Variants in FGF12 observed in about 807,000 individuals in gnomAD.
The protein encoded by FGF12 is fibroblast growth factor 12B.
In FGF12, 14 loss-of-function variants were observed where a neutral mutation model predicts 23.6. The observed-to-expected ratio is 0.59, with a 90% CI of 0.39 to 0.93. The LOEUF is 0.93. Among genes scored for constraint, FGF12 ranks in the 40% least tolerant of loss-of-function variants. FGF12 has a pLI of 0.00. For synonymous variants in FGF12, 62 were observed against 77.3 expected (o/e 0.80, Z 1.04); for missense variants, 175 against 217.8 (o/e 0.80, Z 1.24).
At chr3:192,594,230 T>C (rs941680671) in intron 2 of FGF12, among the ~76,000 whole-genome samples, 3 of 151,894 alleles carry the variant, frequency 2.0e-5, no homozygotes, top group Non-Finnish European at 4.4e-5. Context: ...ATGAATGGGC[T>C]AGTTTTAGAG....
intron 2 of FGF12, among the ~76,000 whole-genome samples, chr3:192,661,637 A>G (rs767740618): frequency 5.6e-4 from 86 of 152,366 alleles, no homozygotes; most frequent in Middle Eastern, 3.4e-3. Context: ...TTATCTTTAC[A>G]AGTAATTTTT....
At chr3:192,709,490 T>C (rs969764123) in intron 2 of FGF12, among the ~76,000 whole-genome samples, 6 of 152,124 alleles carry the variant, frequency 3.9e-5, no homozygotes, top group Non-Finnish European at 8.8e-5. Context: ...ATTGGGCTTT[T>C]GGGTGGGGGC....
chr3:192,155,134 C>A (rs1261613521), intron 5 of FGF12, among the ~76,000 whole-genome samples: 1 of 151,908 alleles, frequency 6.6e-6, no homozygotes, highest in Admixed American at 6.6e-5. Context: ...TGCCCCCTTG[C>A]GCTTCCCAGG....
At chr3:192,289,842 G>A (rs891451867) in intron 4 of FGF12, among the ~76,000 whole-genome samples, 3 of 152,132 alleles carry the variant, frequency 2.0e-5, no homozygotes, top group Admixed American at 2.0e-4. Context: ...GGATTACAAG[G>A]AGATATGAAA....
At chr3:192,386,545 A>T (rs757447802) in intron 2 of FGF12, among the ~76,000 whole-genome samples, 7 of 152,224 alleles carry the variant, frequency 4.6e-5, no homozygotes, top group Non-Finnish European at 8.8e-5. Flanking sequence ...AAAGTATTAT[A>T]ATTTAAAGTT....
At chr3:192,357,568 C>T (rs1175385365) in intron 3 of FGF12, among the ~76,000 whole-genome samples, 3 of 151,002 alleles carry the variant, frequency 2.0e-5, no homozygotes, top group African/African-American at 4.9e-5. Context: ...AGCGAGATTC[C>T]GTCTCAAAAA....
chr3:192,555,903 G>A (rs73197293), intron 2 of FGF12, among the ~76,000 whole-genome samples: 198 of 152,208 alleles, frequency 1.3e-3, no homozygotes, highest in Non-Finnish European at 2.1e-3. Flanking sequence ...AGACGTAAAG[G>A]GCAGTTTTTG....
At chr3:192,622,226 A>G (rs1267192748) in intron 2 of FGF12, among the ~76,000 whole-genome samples, 1 of 152,216 alleles carries the variant, frequency 6.6e-6, no homozygotes, top group Non-Finnish European at 1.5e-5. Context: ...GCTATGGAGC[A>G]GTCCAAAGGG....
intron 2 of FGF12, among the ~76,000 whole-genome samples, chr3:192,561,359 C>T (rs891316806): frequency 2.6e-5 from 4 of 151,544 alleles, no homozygotes; most frequent in African/African-American, 9.7e-5. Flanking sequence ...TGGTGAGAAA[C>T]TTCACTTTTC....
At chr3:192,480,905 C>G (rs1018850419) in intron 2 of FGF12, among the ~76,000 whole-genome samples, 3 of 152,188 alleles carry the variant, frequency 2.0e-5, no homozygotes, top group African/African-American at 7.2e-5. Flanking sequence ...TGTCTGCATG[C>G]TGAGCTAACA....
chr3:192,700,459 C>T (rs1292325073), intron 2 of FGF12, among the ~76,000 whole-genome samples: 9 of 152,136 alleles, frequency 5.9e-5, no homozygotes, highest in Admixed American at 2.0e-4. Flanking sequence ...AGATACATTT[C>T]ATTTTTAAAG....
In FGF12 at chr3:192,158,403, T is replaced by TTCC. The variant is rs1207424094; in HGVS notation, c.427+12054_427+12055insGGA. On this transcript the variant is annotated intron_variant, in intron 5 of 5. Transcript: ENST00000445105. ...CTTTCTTTTCTTTCTCTCTCTTTCT[T>TTCC]TTTCTTTCTTTCTCTTTCTTTTTCT... 4.7e-3 allele frequency among the ~76,000 whole-genome samples: 216 copies of TTCC among 46,438 alleles called. 3 individuals carry two copies. The highest frequency in any genetic ancestry group is 0.019 in the African/African-American group (209 of 10,862). 30.5% of individuals were successfully genotyped at this position (46,438 alleles called of 152,430 possible).
chr3:192,713,770 T>C (rs1718770986), intron 2 of FGF12, among the ~76,000 whole-genome samples: 2 of 152,196 alleles, frequency 1.3e-5, no homozygotes, highest in Admixed American at 6.5e-5. Context: ...GCTGAGACCT[T>C]CCCTGTACAA....
chr3:192,628,657 A>G (rs1383044441), intron 2 of FGF12, among the ~76,000 whole-genome samples: 1 of 150,190 alleles, frequency 6.7e-6, no homozygotes, highest in African/African-American at 2.4e-5. Context: ...ATGTATATAT[A>G]GCAAATATAT....
chr3:192,155,324 G>A (rs10937533), intron 5 of FGF12, among the ~76,000 whole-genome samples: 75,159 of 152,032 alleles, frequency 0.49, 18,876 homozygotes, highest in Middle Eastern at 0.59. Context: ...CTATTCGGCC[G>A]TCTTTCAGCA....
At chr3:192,481,733 G>A (rs763415949) in intron 2 of FGF12, among the ~76,000 whole-genome samples, 4 of 152,084 alleles carry the variant, frequency 2.6e-5, no homozygotes, top group Non-Finnish European at 5.9e-5. Flanking sequence ...TGTACCACTC[G>A]ACCAGCCCAC....
intron 5 of FGF12, among the ~76,000 whole-genome samples, chr3:192,145,217 G>C (rs1713629405): frequency 6.6e-6 from 1 of 152,186 alleles, no homozygotes; most frequent in Non-Finnish European, 1.5e-5. Context: ...TAAATGCCTT[G>C]CATAGAGCAA....
chr3:192,524,570 T>C (rs944120256), intron 2 of FGF12, among the ~76,000 whole-genome samples: 1 of 152,304 alleles, frequency 6.6e-6, no homozygotes, highest in African/African-American at 2.4e-5. Flanking sequence ...ATGAAGTAAT[T>C]TGGAGAATGA....
intron 4 of FGF12, among the ~76,000 whole-genome samples, chr3:192,228,293 T>C (rs1718842270): frequency 6.6e-6 from 1 of 152,134 alleles, no homozygotes; most frequent in African/African-American, 2.4e-5. Flanking sequence ...TAAGTGATTA[T>C]AGATGACATG....
Sources: allele counts gnomAD v4.1 joint callset (sites outside exome capture counted in the v4.1 genomes callset), GRCh38; gene constraint gnomAD v4.1.1; transcripts MANE v1.5; gene names NCBI Gene and HGNC (gene_info 2026-07-23, HGNC 2026-07-21).